Variants in FBXO11 observed in about 807,000 individuals in gnomAD.
The protein encoded by FBXO11 is F-box protein 11, also known as F-box only protein 11.
In FBXO11, 13 loss-of-function variants were observed where a neutral mutation model predicts 117.0. That is an observed-to-expected ratio of 0.11 (90% CI 0.07 to 0.18). The LOEUF is 0.18. Ranked by LOEUF, FBXO11 falls within the 10% of genes least tolerant of loss-of-function variation. FBXO11 has a pLI of 1.00. For missense variants in FBXO11, 767 were observed against 1,164.4 expected, an observed-to-expected ratio of 0.66 and a Z score of 4.97; for synonymous variants, 490 against 380.5, an observed-to-expected ratio of 1.29 and a Z score of -3.35.
intron 1 of FBXO11, among the ~76,000 whole-genome samples, chr2:47,902,113 T>C (rs1415691453): frequency 2.6e-5 from 4 of 152,158 alleles, no homozygotes; most frequent in African/African-American, 9.7e-5. Context: ...TTTTTGTATT[T>C]CTAGTTAAGA....
intron 16 of FBXO11, among the ~76,000 whole-genome samples, chr2:47,817,005 G>C (rs1671051908): frequency 6.6e-6 from 1 of 152,176 alleles, no homozygotes; most frequent in South Asian, 2.1e-4. Context: ...GTCAGGCATT[G>C]ACTTCTCCCC....
At chr2:47,850,866 A>G (rs1673807106) in intron 1 of FBXO11, among the ~76,000 whole-genome samples, 1 of 152,200 alleles carries the variant, frequency 6.6e-6, no homozygotes, top group African/African-American at 2.4e-5. Flanking sequence ...CCCAGAATGG[A>G]ACATTTAAAA....
chr2:47,837,891 T>G (rs990554151), intron 4 of FBXO11, among the ~76,000 whole-genome samples: 1 of 151,880 alleles, frequency 6.6e-6, no homozygotes, highest in African/African-American at 2.4e-5. Flanking sequence ...CCACCACACC[T>G]GGCCTCTTTT....
intron 18 of FBXO11, chr2:47,810,709 G>A: frequency 3.5e-6 from 1 of 286,150 alleles, no homozygotes; most frequent in East Asian, 6.6e-5. Context: ...AGAGCCAGGT[G>A]CATAGGTGAT....
chr2:47,885,211 T>C (rs1676732033), intron 1 of FBXO11, among the ~76,000 whole-genome samples: 1 of 152,342 alleles, frequency 6.6e-6, no homozygotes, highest in Admixed American at 6.5e-5. Flanking sequence ...AGTGATCGAA[T>C]ACTGAAGTCA....
intron 1 of FBXO11, among the ~76,000 whole-genome samples, chr2:47,873,584 C>T (rs945886573): frequency 6.6e-6 from 1 of 152,066 alleles, no homozygotes. Context: ...GCACTTGTGT[C>T]TCTTATTCCT....
At chr2:47,855,208 T>G (rs572432348) in intron 1 of FBXO11, among the ~76,000 whole-genome samples, 7 of 152,192 alleles carry the variant, frequency 4.6e-5, no homozygotes, top group African/African-American at 1.2e-4. Context: ...TCATTTTTTT[T>G]TTTTGTTTTT....
At chr2:47,862,784 G>T (rs1674876203) in intron 1 of FBXO11, among the ~76,000 whole-genome samples, 1 of 152,096 alleles carries the variant, frequency 6.6e-6, no homozygotes, top group Non-Finnish European at 1.5e-5. Flanking sequence ...GCCGGGCGTG[G>T]TGGCTCACAC....
chr2:47,858,248 G>A (rs1038862735), intron 1 of FBXO11, among the ~76,000 whole-genome samples: 4 of 151,906 alleles, frequency 2.6e-5, no homozygotes, highest in Admixed American at 6.6e-5. Context: ...GACCTCAGGT[G>A]GTCCACCCAC....
chr2:47,890,781 G>A (rs1373727444), intron 1 of FBXO11, among the ~76,000 whole-genome samples: 2 of 151,818 alleles, frequency 1.3e-5, no homozygotes, highest in Admixed American at 6.6e-5. Context: ...TCCAGTCTGG[G>A]CGACAGAGCG....
intron 19 of FBXO11, 122 bp from the exon 20 acceptor site, chr2:47,809,829 C>A: frequency 1.6e-6 from 1 of 617,142 alleles, no homozygotes; most frequent in Non-Finnish European, 2.8e-6. Flanking sequence ...TTAATGTCTA[C>A]TGAATAAAAT....
intron 18 of FBXO11, chr2:47,811,020 T>A (rs1670574672): frequency 6.6e-6 from 1 of 152,236 alleles, no homozygotes; most frequent in African/African-American, 2.4e-5. Context: ...GACATGGTTT[T>A]ATTTCTGTAG....
chr2:47,828,954 G>A (rs572746009), intron 11 of FBXO11, among the ~76,000 whole-genome samples: 23 of 151,936 alleles, frequency 1.5e-4, no homozygotes, highest in South Asian at 2.1e-4. Context: ...CTCCTCTGTC[G>A]CCCAGGCTGG....
At chr2:47,844,475 C>G (rs1027891568) in intron 1 of FBXO11, among the ~76,000 whole-genome samples, 5 of 152,132 alleles carry the variant, frequency 3.3e-5, no homozygotes, top group Non-Finnish European at 7.3e-5. Context: ...CAACCCCAGA[C>G]CCCTTAGAAC....
intron 1 of FBXO11, among the ~76,000 whole-genome samples, chr2:47,897,418 C>T (rs1017758656): frequency 3.9e-5 from 6 of 152,134 alleles, no homozygotes; most frequent in Non-Finnish European, 4.4e-5. Flanking sequence ...AACTTCTGGT[C>T]GGGTGAGGTG....
intron 1 of FBXO11, among the ~76,000 whole-genome samples, chr2:47,886,056 A>G (rs1184908144): frequency 6.9e-6 from 1 of 144,212 alleles, no homozygotes; most frequent in Non-Finnish European, 1.6e-5. Context: ...CTTCTTTTTA[A>G]AAACAAATTT....
intron 1 of FBXO11, among the ~76,000 whole-genome samples, chr2:47,898,916 T>C (rs767220447): frequency 6.6e-6 from 1 of 152,166 alleles, no homozygotes; most frequent in Admixed American, 6.5e-5. Flanking sequence ...ATCTTCATTG[T>C]TGTATAGCTG....
At chr2:47,845,611 G>C (rs947559527) in intron 1 of FBXO11, among the ~76,000 whole-genome samples, 1 of 152,122 alleles carries the variant, frequency 6.6e-6, no homozygotes, top group Admixed American at 6.6e-5. Flanking sequence ...CTGTAGTACT[G>C]AATATATACC....
chr2:47,808,697 A>G lies in FBXO11; in HGVS notation c.2556-270T>C, dbSNP rs1572755001. On this transcript the variant is annotated intron_variant, in intron 21 of 22. Coordinates refer to ENST00000403359, the MANE Select transcript of FBXO11 (RefSeq NM_001190274.2). The stretch of plus-strand genomic sequence containing the variant: ...AGCCTCTCAAATGTTTCTGGGCTGA[A>G]AACAATTTTTGGAGGCGTGAAGAGT... 9 of 359,552 alleles carry G rather than the reference A, an allele frequency of 2.5e-5. No homozygotes were observed. The South Asian group carries it at 6.4e-4, about 25-fold the overall frequency. The allele number at this position is 359,552 out of a possible 1,614,324, so 22.3% of individuals were successfully genotyped here. A position where few individuals can be genotyped will look rare whatever the true frequency, so the allele number is the denominator to read the frequency against.
Sources: allele counts gnomAD v4.1 joint callset (sites outside exome capture counted in the v4.1 genomes callset), GRCh38; gene constraint gnomAD v4.1.1; transcripts MANE v1.5; gene names NCBI Gene and HGNC (gene_info 2026-07-23, HGNC 2026-07-21).